Variants in NELL2 observed in about 807,000 individuals in gnomAD.
NELL2 encodes protein kinase C-binding protein NELL2.
In NELL2, 41 loss-of-function variants were observed where a neutral mutation model predicts 109.6. The ratio of observed to expected loss-of-function variants is 0.37; its 90% CI spans 0.29 to 0.49. NELL2 has a LOEUF of 0.49. NELL2 is among the 20% of genes least tolerant of loss of function. NELL2 has a pLI of 0.98. For missense variants in NELL2, 900 were observed against 1,008.3 expected (o/e 0.89, Z 1.45); for synonymous variants, 355 against 344.7 (o/e 1.03, Z -0.33).
intron 13 of NELL2, among the ~76,000 whole-genome samples, chr12:44,615,090 TA>T (rs990659956): frequency 7.9e-5 from 12 of 152,190 alleles, no homozygotes; most frequent in Admixed American, 3.9e-4. Context: ...AAAGCTTTAG[TA>T]AATGGATTCA....
Position 44,744,125 on chromosome 12 carries a change from T to A in NELL2, c.995-29384A>T, listed in dbSNP as rs370981647. Among the ~76,000 whole-genome samples, 12 of 152,068 alleles carry A rather than the reference T, an allele frequency of 7.9e-5. No individual in the cohort carries two copies. The East Asian group carries it at 2.3e-3, about 29-fold the overall frequency. On this transcript the variant is annotated intron_variant, in intron 9 of 19. Coordinates refer to ENST00000429094, the MANE Select transcript of NELL2 (RefSeq NM_001145108.2). ...CTCTCAGACCACAGTGCAATCAAAC[T>A]AGAACTCAGGATTAAGAAACTCACT...
chr12:44,602,823 C>T (rs1483601416), intron 15 of NELL2, among the ~76,000 whole-genome samples: 1 of 152,098 alleles, frequency 6.6e-6, no homozygotes, highest in East Asian at 1.9e-4. Flanking sequence ...TCAACATATA[C>T]CTTTTATGAT....
intron 9 of NELL2, among the ~76,000 whole-genome samples, chr12:44,750,088 C>T (rs1940581461): frequency 1.3e-5 from 2 of 152,014 alleles, no homozygotes; most frequent in Non-Finnish European, 2.9e-5. Flanking sequence ...TAAGAAAAGT[C>T]CCCTCCTCTG....
At chr12:44,645,516 G>T (rs1177167885) in intron 13 of NELL2, among the ~76,000 whole-genome samples, 2 of 152,180 alleles carry the variant, frequency 1.3e-5, no homozygotes, top group African/African-American at 4.8e-5. Context: ...TGTCCATGGT[G>T]TTAGCAAATG....
intron 15 of NELL2, among the ~76,000 whole-genome samples, chr12:44,601,591 C>CAT (rs1163371967): frequency 3.3e-5 from 5 of 152,070 alleles, no homozygotes; most frequent in African/African-American, 7.2e-5. Context: ...CATCTCAGGG[C>CAT]ATCTCCAGCT....
Position 44,866,335 on chromosome 12 carries a change from T to C in NELL2, c.184+8890A>G, listed in dbSNP as rs758295344. ...ACAAAATTTGCAAATACATAAAAAT[T>C]AACATGCTCATGAACAACTAATTGG... On this transcript the variant is annotated intron_variant, in intron 2 of 19. Coordinates refer to ENST00000429094, the MANE Select transcript of NELL2 (RefSeq NM_001145108.2). Among the ~76,000 whole-genome samples the C allele has an allele frequency of 1.6e-4, 25 of 152,146 alleles. No individual in the cohort carries two copies. In the South Asian group the frequency reaches 2.3e-3, roughly 14 times the overall value.
intron 14 of NELL2, among the ~76,000 whole-genome samples, chr12:44,608,093 A>C (rs1359255759): frequency 2.6e-5 from 4 of 152,072 alleles, no homozygotes; most frequent in African/African-American, 9.7e-5. Context: ...CCCCTTTAGA[A>C]GCTTTTATTT....
chr12:44,521,910 C>A, intron 18 of NELL2, 90 bp downstream of exon 18: 2 of 1,294,556 alleles, frequency 1.5e-6, no homozygotes, highest in East Asian at 2.3e-5. Flanking sequence ...TGGCCTGGTG[C>A]TAGGTATTGG....
chr12:44,755,592 C>A (rs887098898), intron 9 of NELL2, among the ~76,000 whole-genome samples: 1 of 152,154 alleles, frequency 6.6e-6, no homozygotes, highest in Non-Finnish European at 1.5e-5. Context: ...CTCAAAACTA[C>A]TCCACCTCTA....
chr12:44,795,710 G>A (rs1942595690), intron 3 of NELL2, among the ~76,000 whole-genome samples: 1 of 152,038 alleles, frequency 6.6e-6, no homozygotes. Flanking sequence ...CTGGTATGCG[G>A]GGACTCTAGT....
chr12:44,756,840 T>C (rs1389991347), intron 9 of NELL2, among the ~76,000 whole-genome samples: 2 of 152,114 alleles, frequency 1.3e-5, no homozygotes, highest in Non-Finnish European at 2.9e-5. Context: ...CCTCTCAATA[T>C]ATTCTCTCCT....
intron 13 of NELL2, among the ~76,000 whole-genome samples, chr12:44,645,218 T>C (rs1372172270): frequency 2.0e-5 from 3 of 151,902 alleles, no homozygotes; most frequent in Non-Finnish European, 4.4e-5. Context: ...CATGATAGCT[T>C]TGTAATAGGG....
In NELL2 at chr12:44,634,509, T is replaced by G. The variant is rs1273070070; in HGVS notation, c.1445-23539A>C. 2.6e-5 allele frequency among the ~76,000 whole-genome samples: 4 copies of G among 152,162 alleles called. No individual in the cohort carries two copies. The East Asian group carries it at 7.7e-4, about 29-fold the overall frequency. On this transcript the variant is annotated intron_variant, in intron 13 of 19. Coordinates refer to ENST00000429094, the MANE Select transcript of NELL2 (RefSeq NM_001145108.2). ...CCTGCAAAGGCAGGAACTCATCCCT[T>G]TTTATGGCTGCATAGTATTCCATGG...
intron 9 of NELL2, among the ~76,000 whole-genome samples, chr12:44,719,143 C>T (rs145153955): frequency 3.8e-3 from 585 of 152,118 alleles, no homozygotes; most frequent in Admixed American, 5.0e-3. Flanking sequence ...AACATAAAAA[C>T]GATTAACAGC....
chr12:44,852,751 G>C (rs530453674), intron 2 of NELL2, among the ~76,000 whole-genome samples: 1 of 151,884 alleles, frequency 6.6e-6, no homozygotes, highest in Non-Finnish European at 1.5e-5. Context: ...CAGAGTGAAT[G>C]CTCATTTTTT....
intron 9 of NELL2, among the ~76,000 whole-genome samples, chr12:44,728,793 G>T (rs963445074): frequency 6.6e-6 from 1 of 152,162 alleles, no homozygotes; most frequent in Non-Finnish European, 1.5e-5. Flanking sequence ...AATTATCAAT[G>T]GAACCATTGC....
At chr12:44,579,032 A>G (rs1348485595) in intron 15 of NELL2, among the ~76,000 whole-genome samples, 1 of 152,174 alleles carries the variant, frequency 6.6e-6, no homozygotes, top group Non-Finnish European at 1.5e-5. Flanking sequence ...GAGAACCCAG[A>G]GGAATGGATT....
At chr12:44,536,362 C>T (rs1323664163) in intron 15 of NELL2, among the ~76,000 whole-genome samples, 1 of 151,942 alleles carries the variant, frequency 6.6e-6, no homozygotes, top group Admixed American at 6.6e-5. Flanking sequence ...GAAGTATGCT[C>T]ATATTGTGTT....
chr12:44,752,093 A>C (rs1432685153), intron 9 of NELL2, among the ~76,000 whole-genome samples: 3 of 152,352 alleles, frequency 2.0e-5, no homozygotes, highest in East Asian at 1.9e-4. Flanking sequence ...CTGAGCCTTC[A>C]ATTTGAACTT....
Sources: allele counts gnomAD v4.1 joint callset (sites outside exome capture counted in the v4.1 genomes callset), GRCh38; gene constraint gnomAD v4.1.1; transcripts MANE v1.5; gene names NCBI Gene and HGNC (gene_info 2026-07-23, HGNC 2026-07-21).